Variants in TUBA1C observed in about 807,000 individuals in gnomAD.
TUBA1C encodes tubulin alpha 1c, also known as tubulin alpha-1C chain.
A neutral mutation model predicts 34.9 loss-of-function variants in TUBA1C; 16 were observed. The observed-to-expected ratio is 0.46, with a 90% CI of 0.31 to 0.70. TUBA1C has a LOEUF of 0.70. TUBA1C is among the 30% of genes least tolerant of loss of function. The pLI, the probability that TUBA1C is intolerant of heterozygous loss-of-function variation, is 0.05. For missense variants in TUBA1C, 329 were observed against 587.3 expected, an observed-to-expected ratio of 0.56 and a Z score of 4.55; for synonymous variants, 177 against 215.9, an observed-to-expected ratio of 0.82 and a Z score of 1.58.
In TUBA1C at chr12:49,272,267, C is replaced by G. The variant is rs767509779; in HGVS notation, c.390C>G (p.Thr130=). The G allele has an allele frequency of 3.7e-6, 6 of 1,610,788 alleles. No homozygotes were observed. Among genetic ancestry groups the G allele is most frequent in the Non-Finnish European group, 5.1e-6 (6 of 1,178,468 alleles). ...DRIRKLADQC[T]GLQGFLVFHS... is the part of the protein sequence containing the mutation. The stretch of plus-strand genomic sequence containing the variant: ...TTATTTTGCAGGCTGACCAGTGCAC[C>G]GGTCTTCAGGGCTTCTTGGTTTTCC... Residue 130 remains threonine, a synonymous_variant, in exon 4 of 4, where the codon ACC becomes ACG. Transcript: ENST00000301072.
chr12:49,257,603 A>C (rs1592281871), intron 1 of TUBA1C, among the ~76,000 whole-genome samples: 2 of 151,760 alleles, frequency 1.3e-5, no homozygotes, highest in East Asian at 3.9e-4. Flanking sequence ...CAACAGCAAG[A>C]CCCTCTCGCT....
intron 1 of TUBA1C, among the ~76,000 whole-genome samples, chr12:49,245,510 G>A (rs1942658140): frequency 6.6e-6 from 1 of 152,220 alleles, no homozygotes; most frequent in Non-Finnish European, 1.5e-5. Context: ...TCAGGAGGCT[G>A]AGGTAGAAGG....
In TUBA1C at chr12:49,242,050, C is replaced by T. The variant is rs530595623; in HGVS notation, c.213+13884C>T. Among the ~76,000 whole-genome samples, 213 of 149,792 alleles carry T rather than the reference C, an allele frequency of 1.4e-3. 1 individual carries two copies. Among genetic ancestry groups the T allele is most frequent in the African/African-American group, 5.1e-3 (206 of 40,516 alleles). ...TGTTGCCCAGGCTGGAGTGCAGTGG[C>T]GTGATCTCAGCCCACTGCAGCCTCC... is the stretch of plus-strand genomic sequence containing the variant. On this transcript the variant is annotated intron_variant, in intron 1 of 3. Transcript: ENST00000541364.
chr12:49,242,569 G>A (rs758340253), intron 1 of TUBA1C, among the ~76,000 whole-genome samples: 3 of 152,030 alleles, frequency 2.0e-5, no homozygotes, highest in Non-Finnish European at 2.9e-5. Flanking sequence ...CCAGGTTCAA[G>A]CAATCCTCCC....
At chr12:49,250,351 C>T (rs1349980121) in intron 1 of TUBA1C, among the ~76,000 whole-genome samples, 1 of 151,844 alleles carries the variant, frequency 6.6e-6, no homozygotes, top group Non-Finnish European at 1.5e-5. Flanking sequence ...GATGAAACCC[C>T]GTCTCTACTA....
At chr12:49,234,118 A>C (rs1005816104) in intron 1 of TUBA1C, 1 of 152,444 alleles carries the variant, frequency 6.6e-6, no homozygotes, top group East Asian at 1.9e-4. Context: ...GGAGGGACCT[A>C]GAAATGGCAC....
intron 1 of TUBA1C, among the ~76,000 whole-genome samples, chr12:49,248,867 CAA>C (rs201685193): frequency 1.6e-4 from 10 of 60,812 alleles, no homozygotes; most frequent in South Asian, 1.1e-3. Context: ...GACTCCCTCT[CAA>C]AAAAAAAAAA....
upstream of TUBA1C, among the ~76,000 whole-genome samples, chr12:49,263,876 A>G (rs1942865518): frequency 2.6e-5 from 4 of 152,176 alleles, no homozygotes; most frequent in African/African-American, 2.4e-5. Flanking sequence ...ACTAGGGATA[A>G]TAATTCATAG....
intron 1 of TUBA1C, among the ~76,000 whole-genome samples, chr12:49,255,202 T>C (rs943676649): frequency 1.3e-4 from 19 of 151,970 alleles, no homozygotes; most frequent in Admixed American, 3.3e-4. Flanking sequence ...TAAGCCAGAA[T>C]TCCTAGTAAT....
At chr12:49,248,338 G>A (rs1449244318) in intron 1 of TUBA1C, among the ~76,000 whole-genome samples, 2 of 152,046 alleles carry the variant, frequency 1.3e-5, no homozygotes, top group Non-Finnish European at 2.9e-5. Flanking sequence ...GGGAGACTGA[G>A]GCTGGTGGAT....
chr12:49,228,021 A>G, exon 1 of TUBA1C: 1 of 1,535,682 alleles, frequency 6.5e-7, no homozygotes, highest in Non-Finnish European at 8.7e-7. Flanking sequence ...TTGGAATTAG[A>G]TCCTTCAAAT....
intron 1 of TUBA1C, among the ~76,000 whole-genome samples, chr12:49,240,930 C>T (rs1942608980): frequency 6.6e-6 from 1 of 151,932 alleles, no homozygotes; most frequent in Admixed American, 6.6e-5. Context: ...GAGATGGAGT[C>T]TCACTCTGTC....
chr12:49,270,315 T>C (rs1057175751), intron 3 of TUBA1C: 11 of 410,826 alleles, frequency 2.7e-5, no homozygotes, highest in African/African-American at 6.1e-5. Context: ...TTCATGTCAA[T>C]ACAGAAAGTT....
intron 1 of TUBA1C, among the ~76,000 whole-genome samples, chr12:49,255,025 T>C (rs1942769474): frequency 6.6e-6 from 1 of 152,030 alleles, no homozygotes; most frequent in Non-Finnish European, 1.5e-5. Context: ...GCTCAAGTGA[T>C]CCTACCACTT....
upstream of TUBA1C, among the ~76,000 whole-genome samples, chr12:49,260,841 C>T (rs1174748742): frequency 6.6e-6 from 1 of 152,102 alleles, no homozygotes; most frequent in East Asian, 1.9e-4. Context: ...AGTGATCCTC[C>T]CACTAAAGCC....
chr12:49,244,757 C>G (rs1942651050), intron 1 of TUBA1C, among the ~76,000 whole-genome samples: 1 of 152,054 alleles, frequency 6.6e-6, no homozygotes, highest in South Asian at 2.1e-4. Flanking sequence ...TCCCACCAGT[C>G]ATGTCTCCAC....
upstream of TUBA1C, among the ~76,000 whole-genome samples, chr12:49,262,671 T>G (rs1360441814): frequency 6.6e-6 from 1 of 152,072 alleles, no homozygotes; most frequent in Non-Finnish European, 1.5e-5. Flanking sequence ...CCCCAGCTAC[T>G]TGGGAGGCTG....
chr12:49,265,501 G>A (rs898103247), intron 1 of TUBA1C, among the ~76,000 whole-genome samples: 2 of 152,342 alleles, frequency 1.3e-5, no homozygotes, highest in African/African-American at 4.8e-5. Flanking sequence ...TGGCCTCCAA[G>A]AACTTAAACT....
intron 1 of TUBA1C, among the ~76,000 whole-genome samples, chr12:49,251,351 C>T (rs1942730177): frequency 6.6e-6 from 1 of 152,098 alleles, no homozygotes; most frequent in Non-Finnish European, 1.5e-5. Flanking sequence ...GAACACTTCC[C>T]AATTTATTCT....
Sources: allele counts gnomAD v4.1 joint callset (sites outside exome capture counted in the v4.1 genomes callset), GRCh38; gene constraint gnomAD v4.1.1; transcripts MANE v1.5; gene names NCBI Gene and HGNC (gene_info 2026-07-23, HGNC 2026-07-21).